Variants in NPEPL1 observed in about 807,000 individuals in gnomAD.
NPEPL1 encodes aminopeptidase like 1.
A neutral mutation model predicts 52.4 loss-of-function variants in NPEPL1; 45 were observed. The ratio of observed to expected loss-of-function variants is 0.86; its 90% CI spans 0.68 to 1.10. The LOEUF (loss-of-function observed/expected upper bound fraction) is 1.10, where lower values mean the gene tolerates loss of function less well. NPEPL1 is among the 50% of genes least tolerant of loss of function. The pLI is 0.00. For missense variants in NPEPL1, 696 were observed against 710.9 expected (o/e 0.98, Z 0.24); for synonymous variants, 360 against 314.7 (o/e 1.14, Z -1.52).
chr20:58,703,815 G>A, intron 6 of NPEPL1: 1 of 985,236 alleles, frequency 1.0e-6, no homozygotes, highest in Non-Finnish European at 1.2e-6. Context: ...TGGTCTGAGG[G>A]TGGCTGGTAG....
In NPEPL1 at chr20:58,713,929, G is replaced by T; in HGVS notation, c.1138G>T (p.Gly380Trp). Reference sequence around the variant, plus strand: ...CCTGCCCGCCCAGGGCATTGCCACAGGGAAGTACCACGCCGCGGTGCTCAC... The same window carrying T: ...CCTGCCCGCCCAGGGCATTGCCACATGGAAGTACCACGCCGCGGTGCTCAC... Reference protein sequence around the residue: ...TLTGAQGIATGKYHAAVLTNS... With the variant: ...TLTGAQGIATWKYHAAVLTNS... Residue 380 changes from glycine (G) to tryptophan (W), a missense_variant, in exon 10 of 12, where the codon GGG (glycine) becomes TGG (tryptophan). By Grantham distance (184) the Gly-to-Trp change is radical (BLOSUM62 -2). Transcript: ENST00000356091. The surrounding 1 kb of genome is among the most constrained non-coding windows in gnomAD (Gnocchi z 4.6). 6.7e-7 allele frequency: 1 copy of T among 1,489,330 alleles called. No homozygotes were observed. 92.3% of individuals were successfully genotyped at this position (1,489,330 alleles called of 1,614,324 possible).
chr20:58,695,154 CA>C (rs2084453041), intron 3 of NPEPL1, among the ~76,000 whole-genome samples: 2 of 18,372 alleles, frequency 1.1e-4, no homozygotes, highest in Non-Finnish European at 2.2e-4. Context: ...GTGTGGTGTG[CA>C]TGTGTGGTGT....
At chr20:58,708,359 C>T (rs572586162) in intron 7 of NPEPL1, among the ~76,000 whole-genome samples, 30 of 152,328 alleles carry the variant, frequency 2.0e-4, no homozygotes, top group African/African-American at 2.9e-4. Flanking sequence ...CAGGCCCAGC[C>T]GGTGGGGACA....
Position 58,694,489 on chromosome 20 carries a change from C to T in NPEPL1, c.404C>T (p.Thr135Ile), listed in dbSNP as rs1568846852. Residue 135 changes from threonine (T) to isoleucine (I), a missense_variant, in exon 3 of 12, where the codon ACC (threonine) becomes ATC (isoleucine). Coordinates refer to ENST00000356091, the MANE Select transcript of NPEPL1 (RefSeq NM_024663.4). Reference protein sequence around the residue: ...CALARAFPLFTHRSGASRRLE... With the variant: ...CALARAFPLFIHRSGASRRLE... ...CTGGCCCGGGCCTTCCCGCTGTTCA[C>T]CCACCGCTCAGGTGCCTCTCGGCGC... 6.2e-7 allele frequency: 1 copy of T among 1,613,994 alleles called. No individual in the cohort carries two copies. The highest frequency in any genetic ancestry group is 1.7e-5 in the Admixed American group (1 of 60,014).
chr20:58,694,872 C>T (rs753138098), intron 3 of NPEPL1, among the ~76,000 whole-genome samples: 1 of 152,196 alleles, frequency 6.6e-6, no homozygotes, highest in Non-Finnish European at 1.5e-5. Flanking sequence ...CCAAATAACC[C>T]TGCCCGTTTA....
At chr20:58,714,302 G>A in intron 10 of NPEPL1, 1 of 626,986 alleles carries the variant, frequency 1.6e-6, no homozygotes, top group Non-Finnish European at 2.7e-6. Flanking sequence ...ACACAGCCAA[G>A]GGTTTCTCCC....
chr20:58,712,383 T>C (rs2084867072), intron 7 of NPEPL1, 96 bp from the exon 8 acceptor site: 1 of 775,720 alleles, frequency 1.3e-6, no homozygotes, highest in Middle Eastern at 2.9e-4. Flanking sequence ...TCTCTCTCTC[T>C]CCTGCTGTCT....
upstream of NPEPL1, chr20:58,691,897 C>A (rs143604415): frequency 5.0e-6 from 5 of 1,005,058 alleles, no homozygotes; most frequent in African/African-American, 6.4e-5. Context: ...ATTCCCTGAC[C>A]CTTGCATCTG....
In NPEPL1 at chr20:58,715,445, G is replaced by C; in HGVS notation, c.*119G>C. On this transcript the variant is annotated 3_prime_UTR_variant, in exon 12 of 12. Transcript: ENST00000356091. ...TTGGTTTGTCTTTCTGGTCGTCAGCGTGGTGGTGGAAACAGCTGAAGTTTT... is the reference window on the plus strand; with the variant it reads ...TTGGTTTGTCTTTCTGGTCGTCAGCCTGGTGGTGGAAACAGCTGAAGTTTT... 8.8e-7 allele frequency: 1 copy of C among 1,139,068 alleles called. No individual in the cohort carries two copies. The highest frequency in any genetic ancestry group is 2.8e-5 in the East Asian group (1 of 35,222). The allele number at this position is 1,139,068 out of a possible 1,614,324, so 70.6% of individuals were successfully genotyped here. A position where few individuals can be genotyped will look rare whatever the true frequency, so the allele number is the denominator to read the frequency against.
rs372044536 is a variant in NPEPL1 at position 58,701,004 on chromosome 20, C to T, written c.680-12C>T. The T allele has an allele frequency of 3.9e-5, 61 of 1,560,454 alleles. No individual in the cohort carries two copies. The highest frequency in any genetic ancestry group is 4.9e-5 in the Non-Finnish European group (56 of 1,152,092). ...CCCGAGCCTAACCCAGTTCTCCCCA[C>T]GCTTTCCATAGGAATCTATGGGGTT... On this transcript the variant is annotated splice_polypyrimidine_tract_variant and intron_variant, in intron 5 of 11. Coordinates refer to ENST00000356091, the MANE Select transcript of NPEPL1 (RefSeq NM_024663.4).
chr20:58,695,615 A>G (rs555833102), intron 3 of NPEPL1, among the ~76,000 whole-genome samples: 50 of 152,216 alleles, frequency 3.3e-4, no homozygotes, highest in Non-Finnish European at 8.8e-5. Context: ...TGTCGCCTTC[A>G]CCCAGGCAAG....
intron 8 of NPEPL1, chr20:58,712,799 G>A (rs1409111394): frequency 3.0e-6 from 2 of 657,630 alleles, no homozygotes; most frequent in Non-Finnish European, 5.6e-6. Flanking sequence ...AGGCTCCCGT[G>A]CAGTGCCTGG....
intron 2 of NPEPL1, 25 bp from the exon 3 acceptor site, chr20:58,694,397 C>T (rs762838616): frequency 6.3e-7 from 1 of 1,583,914 alleles, no homozygotes; most frequent in South Asian, 1.2e-5. Flanking sequence ...TTGCACCCCT[C>T]ACGCCGTCTC....
chr20:58,692,879 CG>C lies in NPEPL1; in HGVS notation c.-18del. 9.7e-7 allele frequency: 1 copy of C among 1,027,520 alleles called. No homozygotes were observed. Among genetic ancestry groups the C allele is most frequent in the Non-Finnish European group, 1.2e-6 (1 of 855,896 alleles). 63.7% of individuals were successfully genotyped at this position (1,027,520 alleles called of 1,614,324 possible). Reference sequence around the variant, plus strand: ...CGGGCCGGGCCGGGCCGGGCAGGGCCGGGGCGTGGGCCGGCAGGAAGATGGC... The same window carrying C: ...CGGGCCGGGCCGGGCCGGGCAGGGCCGGGCGTGGGCCGGCAGGAAGATGGC... On this transcript the variant is annotated 5_prime_UTR_variant, in exon 1 of 12. Transcript: ENST00000356091. The surrounding 1 kb of genome is among the most constrained non-coding windows in gnomAD (Gnocchi z 5.7).
intron 2 of NPEPL1, 151 bp from the exon 3 acceptor site, chr20:58,694,271 C>T: frequency 6.6e-6 from 5 of 763,244 alleles, no homozygotes; most frequent in Non-Finnish European, 1.0e-5. Context: ...CGGGGATGAC[C>T]TGAGGGATGG....
At chr20:58,691,805 A>G (rs200889400), upstream of NPEPL1, 406 of 1,547,090 alleles carry the variant, frequency 2.6e-4, no homozygotes, top group Middle Eastern at 1.7e-4. Context: ...TACCAACCAA[A>G]GGCCCTTGAG....
upstream of NPEPL1, among the ~76,000 whole-genome samples, chr20:58,690,762 C>A (rs1455640979): frequency 1.3e-5 from 2 of 152,134 alleles, no homozygotes; most frequent in African/African-American, 4.8e-5. Flanking sequence ...TCAGTCTATT[C>A]TTAAATATGA....
At chr20:58,711,277 T>G (rs1227829265) in intron 7 of NPEPL1, 1 of 151,888 alleles carries the variant, frequency 6.6e-6, no homozygotes, top group African/African-American at 2.4e-5. Context: ...AGGGTCATGC[T>G]GTCATTTATT....
At chr20:58,691,693 C>CTTTTTTTT (rs11471424), upstream of NPEPL1, 566 of 563,998 alleles carry the variant, frequency 1.0e-3, 5 homozygotes, top group South Asian at 2.7e-3. Flanking sequence ...TTTTTCTTTT[C>CTTTTTTTT]TTTTTTTTTT....
Sources: allele counts gnomAD v4.1 joint callset (sites outside exome capture counted in the v4.1 genomes callset), GRCh38; gene constraint gnomAD v4.1.1; non-coding constraint Gnocchi (gnomAD v3.1); transcripts MANE v1.5; gene names NCBI Gene and HGNC (gene_info 2026-07-23, HGNC 2026-07-21).